The following UNC13A variants were observed in gnomAD, a reference collection of about 807,000 sequenced individuals.
The protein encoded by UNC13A is unc-13 homolog A.
Under a neutral mutation model 219.7 loss-of-function variants are expected in UNC13A, and 61 were observed. The ratio of observed to expected loss-of-function variants is 0.28; its 90% CI spans 0.23 to 0.34. UNC13A has a LOEUF of 0.34. UNC13A is among the 10% of genes least tolerant of loss of function. The probability of loss-of-function intolerance (pLI) is 1.00; values close to 1 mark genes in which losing one functional copy is unlikely to be tolerated. For missense variants in UNC13A, 1,476 were observed against 2,270.3 expected (o/e 0.65, Z 7.11); for synonymous variants, 920 against 884.6 (o/e 1.04, Z -0.71).
At chr19:17,644,266 GCAGCTT>G (rs2077000568) in intron 19 of UNC13A, among the ~76,000 whole-genome samples, 2 of 151,546 alleles carry the variant, frequency 1.3e-5, no homozygotes, top group African/African-American at 4.8e-5. Flanking sequence ...ATAGCTCACT[GCAGCTT>G]CAACCTCCCA....
chr19:17,632,233 TG>T (rs1438996968), intron 28 of UNC13A, among the ~76,000 whole-genome samples: 1 of 152,162 alleles, frequency 6.6e-6, no homozygotes, highest in Non-Finnish European at 1.5e-5. Flanking sequence ...TTTGTAGAGC[TG>T]GGGTTTCGCC....
chr19:17,633,166 T>A lies in UNC13A; in HGVS notation c.3243A>T (p.Lys1081Asn). ...GATTCCACATCACTTCAGCGCTGAT[T>A]TTACCCACATTCAGCTCCTGGGGAA... Reference protein sequence around the residue: ...NQFPQELNVGKISAEVMWNLF... With the variant: ...NQFPQELNVGNISAEVMWNLF... The change falls in exon 27 of 44, where the codon AAA becomes AAT. Residue 1081 changes from lysine (K) to asparagine (N), a missense_variant. Coordinates refer to ENST00000519716, the MANE Select transcript of UNC13A (RefSeq NM_001080421.3). 1.2e-6 allele frequency: 2 copies of A among 1,613,996 alleles called. No homozygotes were observed. Among genetic ancestry groups the A allele is most frequent in the Non-Finnish European group, 1.7e-6 (2 of 1,179,966 alleles).
At chr19:17,623,448 TG>T in intron 36 of UNC13A, 93 bp downstream of exon 36, 1 of 809,882 alleles carries the variant, frequency 1.2e-6, no homozygotes, top group Non-Finnish European at 1.8e-6. Flanking sequence ...GAGGGGGCGC[TG>T]GGTGGGTGGG....
At chr19:17,675,503 G>A (rs1414712282) in intron 2 of UNC13A, among the ~76,000 whole-genome samples, 1 of 151,026 alleles carries the variant, frequency 6.6e-6, no homozygotes, top group Non-Finnish European at 1.5e-5. Flanking sequence ...GTGGTAGAGG[G>A]CGCCTGTAAT....
At chr19:17,661,905 ACCGC>A (rs1426864955) in intron 8 of UNC13A, among the ~76,000 whole-genome samples, 2 of 151,986 alleles carry the variant, frequency 1.3e-5, no homozygotes, top group Non-Finnish European at 2.9e-5. Context: ...CACTCACATT[ACCGC>A]CTGAGTTCCA....
chr19:17,660,926 T>C lies in UNC13A; in HGVS notation c.559+2606A>G, dbSNP rs182339717. On this transcript the variant is annotated intron_variant, in intron 8 of 43. Coordinates refer to ENST00000519716, the MANE Select transcript of UNC13A (RefSeq NM_001080421.3). ...GCATTCATTTTGGCAAAATTGATTT[T>C]ATTTATTTATTTTAATCTATTTATT... Among the ~76,000 whole-genome samples the C allele has an allele frequency of 1.1e-3, 163 of 150,990 alleles. 2 individuals are homozygous for C. The East Asian group carries it at 0.02, about 18-fold the overall frequency.
chr19:17,628,267 C>T (rs979714940), intron 31 of UNC13A: 6 of 369,036 alleles, frequency 1.6e-5, no homozygotes, highest in African/African-American at 1.2e-4. Flanking sequence ...AGCTCACACC[C>T]TGAAGGCTTC....
chr19:17,663,613 G>A, intron 7 of UNC13A, 46 bp from the exon 8 acceptor site: 2 of 1,573,040 alleles, frequency 1.3e-6, no homozygotes, highest in Non-Finnish European at 1.7e-6. Context: ...CAGACAGAGG[G>A]GTGGGTGTAG....
rs915582163 is a variant in UNC13A, at chr19:17,649,283, C to G, written c.1524+56G>C. On this transcript the variant is annotated intron_variant, in intron 14 of 43. Transcript: ENST00000519716. The surrounding 1 kb of genome is among the most constrained non-coding windows in gnomAD (Gnocchi z 4.4). Reference sequence around the variant, plus strand: ...ATGAATTGGGGGCCTGTTAGAAGATCCCAGTGGGGGAGTTTGGGGAGAAGA... The same window carrying G: ...ATGAATTGGGGGCCTGTTAGAAGATGCCAGTGGGGGAGTTTGGGGAGAAGA... 2 of 1,548,122 alleles carry G rather than the reference C, an allele frequency of 1.3e-6. No individual in the cohort carries two copies. Among genetic ancestry groups the G allele is most frequent in the African/African-American group, 2.7e-5 (2 of 73,454 alleles).
At chr19:17,632,966 C>G (rs896284265) in intron 27 of UNC13A, 58 bp from the exon 28 acceptor site, 1 of 1,611,934 alleles carries the variant, frequency 6.2e-7, no homozygotes, top group Non-Finnish European at 8.5e-7. Context: ...TCTGTCTCGG[C>G]AGAGAGGCTG....
intron 9 of UNC13A, 22 bp downstream of exon 9, chr19:17,658,040 T>C (rs779884473): frequency 1.9e-6 from 3 of 1,609,616 alleles, no homozygotes; most frequent in Admixed American, 3.4e-5. Flanking sequence ...CCCACATGCA[T>C]GCTGCACTCC....
At chr19:17,634,163 T>C (rs376347866) in intron 26 of UNC13A, among the ~76,000 whole-genome samples, 1 of 152,064 alleles carries the variant, frequency 6.6e-6, no homozygotes, top group Non-Finnish European at 1.5e-5. Flanking sequence ...CACCTATTTA[T>C]CTGTCCTTCC....
Position 17,672,369 on chromosome 19 carries a change from G to T in UNC13A, c.270+9C>A, listed in dbSNP as rs149907939. On this transcript the variant is annotated intron_variant, in intron 4 of 43. Coordinates refer to ENST00000519716, the MANE Select transcript of UNC13A (RefSeq NM_001080421.3). Reference sequence around the variant, plus strand: ...CTCCTTCTTCACCCTCAGGCCACCCGCCACTCACCTCATTGGACTGGCGGA... The same window carrying T: ...CTCCTTCTTCACCCTCAGGCCACCCTCCACTCACCTCATTGGACTGGCGGA... 13 of 1,611,750 alleles carry T rather than the reference G, an allele frequency of 8.1e-6. No individual in the cohort carries two copies. The South Asian group carries it at 1.4e-4, about 18-fold the overall frequency.
chr19:17,639,561 G>A, intron 23 of UNC13A, 36 bp from the exon 24 acceptor site: 1 of 1,599,248 alleles, frequency 6.3e-7, no homozygotes, highest in Non-Finnish European at 8.5e-7. Context: ...GGTTATGGAA[G>A]AAGGCGTGGG....
chr19:17,643,997 G>C (rs2076997258), intron 19 of UNC13A, among the ~76,000 whole-genome samples: 1 of 152,110 alleles, frequency 6.6e-6, no homozygotes, highest in Non-Finnish European at 1.5e-5. Flanking sequence ...AGGTTTCCGG[G>C]CTCTGCTCAC....
intron 28 of UNC13A, among the ~76,000 whole-genome samples, chr19:17,631,169 C>CCTT (rs2076844343): frequency 4.9e-5 from 1 of 20,606 alleles, no homozygotes; most frequent in African/African-American, 2.1e-4. Context: ...CTCCCTCCCT[C>CCTT]CCTCCCTCCT....
intron 28 of UNC13A, among the ~76,000 whole-genome samples, chr19:17,631,208 C>T (rs1366194236): frequency 2.1e-5 from 1 of 47,828 alleles, no homozygotes; most frequent in Admixed American, 1.5e-4. Context: ...CCCTCCCTTC[C>T]TTCCTTCCTT....
At chr19:17,633,943 A>T (rs752860422) in intron 26 of UNC13A, among the ~76,000 whole-genome samples, 1 of 149,726 alleles carries the variant, frequency 6.7e-6, no homozygotes, top group Non-Finnish European at 1.5e-5. Flanking sequence ...GCAACTATCC[A>T]CCCATCCGTT....
chr19:17,631,175 CTCCT>C (rs2076845060), intron 28 of UNC13A, among the ~76,000 whole-genome samples: 1 of 25,542 alleles, frequency 3.9e-5, no homozygotes, highest in Admixed American at 2.1e-4. Context: ...CCCTCCCTCC[CTCCT>C]TTCCTTCCTT....
Sources: allele counts gnomAD v4.1 joint callset (sites outside exome capture counted in the v4.1 genomes callset), GRCh38; gene constraint gnomAD v4.1.1; non-coding constraint Gnocchi (gnomAD v3.1); transcripts MANE v1.5; gene names NCBI Gene and HGNC (gene_info 2026-07-23, HGNC 2026-07-21).